GXYLT2: variants seen among roughly 807,000 people sequenced by gnomAD.
GXYLT2 encodes the protein glucoside xylosyltransferase 2.
In GXYLT2, 53 loss-of-function variants were observed where a neutral mutation model predicts 45.8. That is an observed-to-expected ratio of 1.16 (90% CI 0.93 to 1.46). The LOEUF (loss-of-function observed/expected upper bound fraction) is 1.46, where lower values mean the gene tolerates loss of function less well. Among genes scored for constraint, GXYLT2 ranks in the 40% most tolerant of loss-of-function variants. The pLI, the probability that GXYLT2 is intolerant of heterozygous loss-of-function variation, is 0.00. For missense variants in GXYLT2, 551 were observed against 544.4 expected (o/e 1.01, Z -0.12); for synonymous variants, 219 against 214.2 (o/e 1.02, Z -0.19).
At position 72,967,671 on chromosome 3, in the gene GXYLT2, T is replaced by C. The variant is rs1280537160; in HGVS notation, c.1101T>C (p.His367=). 4 of 1,613,978 alleles carry C rather than the reference T, an allele frequency of 2.5e-6. No homozygotes were observed. In the African/African-American group the frequency reaches 5.3e-5, roughly 22 times the overall value. Residue 367 remains histidine (H), a synonymous_variant, in exon 6 of 7, where the codon CAT becomes CAC. Coordinates refer to ENST00000389617, the MANE Select transcript of GXYLT2 (RefSeq NM_001080393.2). The part of the protein sequence containing the change: ...SVLHGNRGVY[H]DDKQPTFRAL... Reference sequence around the variant, plus strand: ...TGCATGGAAACCGAGGCGTCTACCATGACGATAAGCAACCAACGTTCAGAG... The same window carrying C: ...TGCATGGAAACCGAGGCGTCTACCACGACGATAAGCAACCAACGTTCAGAG...
chr3:72,975,369 G>GT lies in GXYLT2; in HGVS notation c.*210_*211insT. 1 of 329,698 alleles carries GT rather than the reference G, an allele frequency of 3.0e-6. No individual in the cohort carries two copies. Among genetic ancestry groups the GT allele is most frequent in the Non-Finnish European group, 5.4e-6 (1 of 185,882 alleles). 20.4% of individuals were successfully genotyped at this position (329,698 alleles called of 1,614,324 possible). A position where few individuals can be genotyped will look rare whatever the true frequency, so the allele number is the denominator to read the frequency against. ...TTCTAAAATGCTATTTATCTCTAAG[G>GT]AAAAAAAAAAAAGACTATTACTCAT... On this transcript the variant is annotated 3_prime_UTR_variant, in exon 7 of 7. Coordinates refer to ENST00000389617, the MANE Select transcript of GXYLT2 (RefSeq NM_001080393.2).
intron 2 of GXYLT2, among the ~76,000 whole-genome samples, chr3:72,912,014 T>TATATATA (rs527420103): frequency 3.1e-4 from 29 of 93,952 alleles, no homozygotes; most frequent in African/African-American, 1.2e-3. Context: ...TATATATATA[T>TATATATA]TTTTTTTTTT....
At chr3:72,916,005 A>G (rs935640787) in intron 2 of GXYLT2, among the ~76,000 whole-genome samples, 8 of 151,968 alleles carry the variant, frequency 5.3e-5, no homozygotes, top group African/African-American at 1.7e-4. Flanking sequence ...TGCATGGTCC[A>G]TGATCCTTTT....
At chr3:72,972,117 C>T (rs1400814494) in intron 6 of GXYLT2, among the ~76,000 whole-genome samples, 1 of 151,884 alleles carries the variant, frequency 6.6e-6, no homozygotes, top group Non-Finnish European at 1.5e-5. Flanking sequence ...CTCTCTTTCT[C>T]TCTATTTCTC....
intron 3 of GXYLT2, among the ~76,000 whole-genome samples, chr3:72,947,716 G>T (rs183812662): frequency 6.6e-6 from 1 of 152,030 alleles, no homozygotes; most frequent in African/African-American, 2.4e-5. Flanking sequence ...CAGGAGAATC[G>T]CTTGAACCCA....
In GXYLT2 at chr3:72,915,362, G is replaced by T. The variant is rs556978943; in HGVS notation, c.468+6803G>T. 9.1e-3 allele frequency among the ~76,000 whole-genome samples: 1,000 copies of T among 109,856 alleles called. 66 individuals carry two copies. The highest frequency in any genetic ancestry group is 0.027 in the African/African-American group (758 of 28,510). The allele number at this position is 109,856 out of a possible 152,430, so 72.1% of individuals were successfully genotyped here. A position where few individuals can be genotyped will look rare whatever the true frequency, so the allele number is the denominator to read the frequency against. On this transcript the variant is annotated intron_variant, in intron 2 of 6. Transcript: ENST00000389617. ...CCTTTTTTTTTTTTTTTTGCGGGGG[G>T]GGGGGGGATTTAGGAAAAATAGCCC...
At chr3:72,965,970 G>A (rs2107153624) in intron 5 of GXYLT2, among the ~76,000 whole-genome samples, 1 of 151,944 alleles carries the variant, frequency 6.6e-6, no homozygotes, top group African/African-American at 2.4e-5. Context: ...TTGTAGGTGG[G>A]GTTTTTTTGT....
intron 1 of GXYLT2, among the ~76,000 whole-genome samples, chr3:72,895,034 G>T (rs1026053342): frequency 3.3e-5 from 5 of 152,180 alleles, no homozygotes; most frequent in Non-Finnish European, 5.9e-5. Flanking sequence ...CCCCATTGAG[G>T]TTAATAGGGG....
chr3:72,908,617 G>A, intron 2 of GXYLT2, 58 bp downstream of exon 2: 1 of 1,324,886 alleles, frequency 7.5e-7, no homozygotes, highest in Non-Finnish European at 1.1e-6. Flanking sequence ...CTACATTTTA[G>A]GAACTGCATA....
chr3:72,912,890 A>G (rs1480688633), intron 2 of GXYLT2, among the ~76,000 whole-genome samples: 1 of 152,216 alleles, frequency 6.6e-6, no homozygotes, highest in African/African-American at 2.4e-5. Flanking sequence ...GTAATTTTTT[A>G]TGAGCTGTAA....
chr3:72,898,103 G>A (rs1709328850), intron 1 of GXYLT2, among the ~76,000 whole-genome samples: 1 of 151,928 alleles, frequency 6.6e-6, no homozygotes, highest in South Asian at 2.1e-4. Flanking sequence ...TTTTGCTAGT[G>A]GTATTTAAAA....
intron 6 of GXYLT2, among the ~76,000 whole-genome samples, chr3:72,973,840 T>G (rs1229251528): frequency 6.6e-6 from 1 of 152,178 alleles, no homozygotes; most frequent in African/African-American, 2.4e-5. Context: ...TATCAATGAT[T>G]TAAATTTCAT....
At chr3:72,912,407 C>T (rs1559731290) in intron 2 of GXYLT2, among the ~76,000 whole-genome samples, 1 of 152,012 alleles carries the variant, frequency 6.6e-6, no homozygotes, top group Non-Finnish European at 1.5e-5. Context: ...CCTTGGCCTC[C>T]CAAAGTACTG....
intron 5 of GXYLT2, among the ~76,000 whole-genome samples, chr3:72,964,261 GCCCCT>G (rs1710819010): frequency 6.6e-6 from 1 of 152,100 alleles, no homozygotes; most frequent in Admixed American, 6.6e-5. Flanking sequence ...GCCTTGGAGT[GCCCCT>G]CACTGGGCTC....
chr3:72,918,553 G>A (rs965326963), intron 2 of GXYLT2, among the ~76,000 whole-genome samples: 5 of 152,170 alleles, frequency 3.3e-5, no homozygotes, highest in Admixed American at 1.3e-4. Context: ...GGCCAGCCAC[G>A]GTGGCTCATG....
intron 3 of GXYLT2, 56 bp downstream of exon 3, chr3:72,922,391 T>C: frequency 6.4e-7 from 1 of 1,551,634 alleles, no homozygotes; most frequent in Admixed American, 1.8e-5. Context: ...AAGGTAAAAT[T>C]AGCTGAGATG....
intron 1 of GXYLT2, among the ~76,000 whole-genome samples, chr3:72,895,216 C>T (rs1201718188): frequency 6.6e-6 from 1 of 152,062 alleles, no homozygotes; most frequent in Non-Finnish European, 1.5e-5. Context: ...AGAAGTGACG[C>T]AGAGCAACCC....
chr3:72,958,345 AC>A (rs1440463735), intron 5 of GXYLT2, among the ~76,000 whole-genome samples: 3 of 151,758 alleles, frequency 2.0e-5, no homozygotes, highest in Non-Finnish European at 4.4e-5. Flanking sequence ...AGCAATCCTT[AC>A]CCTACCCTTT....
At chr3:72,905,102 A>C (rs1214109041) in intron 1 of GXYLT2, among the ~76,000 whole-genome samples, 1 of 151,364 alleles carries the variant, frequency 6.6e-6, no homozygotes, top group African/African-American at 2.4e-5. Context: ...AAGAAAAGAA[A>C]AAGAAAATAA....
Sources: allele counts gnomAD v4.1 joint callset (sites outside exome capture counted in the v4.1 genomes callset), GRCh38; gene constraint gnomAD v4.1.1; transcripts MANE v1.5; gene names NCBI Gene and HGNC (gene_info 2026-07-23, HGNC 2026-07-21).